CNBD1: variants seen among roughly 807,000 people sequenced by gnomAD.
CNBD1 encodes cyclic nucleotide-binding domain-containing protein 1.
In CNBD1, 71 loss-of-function variants were observed where a neutral mutation model predicts 54.4. The observed-to-expected ratio is 1.30, with a 90% CI of 1.08 to 1.59. CNBD1 has a LOEUF of 1.59. CNBD1 is among the 40% of genes most tolerant of loss of function. CNBD1 has a pLI of 0.00. For synonymous variants in CNBD1, 182 were observed against 170.7 expected, an observed-to-expected ratio of 1.07 and a Z score of -0.51; for missense variants, 659 against 518.0, an observed-to-expected ratio of 1.27 and a Z score of -2.64.
chr8:87,049,626 G>C (rs1320534350), intron 4 of CNBD1, among the ~76,000 whole-genome samples: 1 of 152,108 alleles, frequency 6.6e-6, no homozygotes, highest in Admixed American at 6.5e-5. Context: ...GGCTTCATAG[G>C]TTTGTACTAC....
At chr8:87,291,246 C>T (rs1406062169) in intron 8 of CNBD1, among the ~76,000 whole-genome samples, 1 of 150,382 alleles carries the variant, frequency 6.6e-6, no homozygotes, top group Admixed American at 6.6e-5. Context: ...TTTATTAGTT[C>T]TTCTAGTGTC....
chr8:87,002,916 G>T (rs1364570922), intron 4 of CNBD1, among the ~76,000 whole-genome samples: 1 of 152,040 alleles, frequency 6.6e-6, no homozygotes, highest in Non-Finnish European at 1.5e-5. Flanking sequence ...TATTATGTTT[G>T]TAAAAAAATA....
chr8:87,115,404 T>C (rs577308812), intron 4 of CNBD1, among the ~76,000 whole-genome samples: 1 of 151,526 alleles, frequency 6.6e-6, no homozygotes, highest in Non-Finnish European at 1.5e-5. Context: ...TATTTTATGT[T>C]AATATTAATC....
intron 4 of CNBD1, among the ~76,000 whole-genome samples, chr8:87,042,990 C>A (rs1810104962): frequency 6.6e-6 from 1 of 151,884 alleles, no homozygotes. Flanking sequence ...ATGTTATGGG[C>A]AATAAAGGAA....
intron 8 of CNBD1, among the ~76,000 whole-genome samples, chr8:87,349,102 T>G (rs113056774): frequency 0.024 from 3,679 of 152,276 alleles, 153 homozygotes; most frequent in African/African-American, 0.081. Context: ...AATAAAATTT[T>G]GTCTATATAG....
intron 6 of CNBD1, among the ~76,000 whole-genome samples, chr8:87,259,930 T>C (rs749650752): frequency 6.6e-6 from 1 of 152,170 alleles, no homozygotes; most frequent in African/African-American, 2.4e-5. Flanking sequence ...TTTTGAACTT[T>C]ACGAAAGGTA....
intron 8 of CNBD1, among the ~76,000 whole-genome samples, chr8:87,326,281 C>T (rs1809667497): frequency 8.1e-6 from 1 of 122,810 alleles, no homozygotes; most frequent in Admixed American, 8.0e-5. Flanking sequence ...AATGATGTGT[C>T]TTGGAGTTGC....
intron 2 of CNBD1, among the ~76,000 whole-genome samples, chr8:87,392,311 C>A (rs546158458): frequency 6.6e-6 from 1 of 151,914 alleles, no homozygotes; most frequent in East Asian, 1.9e-4. Flanking sequence ...GGTCTATATC[C>A]AAGAGAAGTG....
intron 4 of CNBD1, among the ~76,000 whole-genome samples, chr8:87,081,636 G>T (rs1810995750): frequency 6.6e-6 from 1 of 151,578 alleles, no homozygotes; most frequent in Admixed American, 6.6e-5. Flanking sequence ...CTCCTGAGTA[G>T]CTGGGATAAC....
At chr8:86,925,665 G>T (rs188564933) in intron 3 of CNBD1, among the ~76,000 whole-genome samples, 1 of 150,840 alleles carries the variant, frequency 6.6e-6, no homozygotes, top group Admixed American at 6.6e-5. Context: ...TGGATCACTC[G>T]AGGTCATGAG....
At chr8:86,968,536 T>G (rs1808144885) in intron 4 of CNBD1, among the ~76,000 whole-genome samples, 1 of 152,308 alleles carries the variant, frequency 6.6e-6, no homozygotes, top group South Asian at 2.1e-4. Flanking sequence ...TCCGCCAAAG[T>G]TAAGGACGTG....
intron 4 of CNBD1, among the ~76,000 whole-genome samples, chr8:86,984,458 A>G (rs753728162): frequency 4.6e-5 from 7 of 152,144 alleles, no homozygotes; most frequent in South Asian, 2.1e-4. Context: ...CCAGAAAGGT[A>G]GATCCACCAA....
At chr8:86,904,469 T>G (rs1206055440) in intron 2 of CNBD1, among the ~76,000 whole-genome samples, 1 of 152,056 alleles carries the variant, frequency 6.6e-6, no homozygotes, top group African/African-American at 2.4e-5. Context: ...AATCAAGGTG[T>G]AGCTACATAT....
At chr8:87,349,854 A>G (rs1810249267) in intron 8 of CNBD1, among the ~76,000 whole-genome samples, 1 of 152,132 alleles carries the variant, frequency 6.6e-6, no homozygotes, top group African/African-American at 2.4e-5. Context: ...TTTTGCAACA[A>G]TGGTTTGGGT....
chr8:87,132,304 A>G (rs896405171), intron 4 of CNBD1, among the ~76,000 whole-genome samples: 6 of 151,804 alleles, frequency 4.0e-5, no homozygotes, highest in Non-Finnish European at 7.4e-5. Context: ...GGACATTACT[A>G]ATTGTGTTAA....
intron 4 of CNBD1, among the ~76,000 whole-genome samples, chr8:87,051,517 T>G (rs536136489): frequency 1.3e-5 from 2 of 152,324 alleles, no homozygotes; most frequent in Non-Finnish European, 2.9e-5. Flanking sequence ...AACAGAGATT[T>G]ACCCACGTAT....
At chr8:86,956,753 T>C (rs1185276571) in intron 4 of CNBD1, among the ~76,000 whole-genome samples, 2 of 152,206 alleles carry the variant, frequency 1.3e-5, no homozygotes, top group African/African-American at 4.8e-5. Context: ...TTTTTATAAA[T>C]ATACAATCAT....
chr8:86,955,183 A>G (rs1586159851), intron 4 of CNBD1, among the ~76,000 whole-genome samples: 1 of 152,138 alleles, frequency 6.6e-6, no homozygotes, highest in South Asian at 2.1e-4. Context: ...TTATGGCTGC[A>G]TAGTATTCAT....
chr8:87,165,856 A>T (rs1237657798), intron 4 of CNBD1, among the ~76,000 whole-genome samples: 1 of 151,984 alleles, frequency 6.6e-6, no homozygotes, highest in Non-Finnish European at 1.5e-5. Flanking sequence ...GCCGTCATAT[A>T]TAAAGCATTA....
Sources: gnomAD v4.1 joint callset for allele counts (sites outside exome capture counted in the v4.1 genomes callset) on GRCh38, gnomAD v4.1.1 for gene constraint, MANE v1.5 for transcripts, NCBI Gene and HGNC (gene_info 2026-07-23, HGNC 2026-07-21) for gene names.